SRGAP1: variants seen among roughly 807,000 people sequenced by gnomAD.
The protein encoded by SRGAP1 is SLIT-ROBO Rho GTPase activating protein 1, also known as SLIT-ROBO Rho GTPase-activating protein 1.
SRGAP1 carries 43 observed loss-of-function variants against 121.9 expected under a neutral mutation model. The observed-to-expected ratio is 0.35, with a 90% confidence interval of 0.28 to 0.46. The LOEUF (loss-of-function observed/expected upper bound fraction) is 0.46. SRGAP1 is among the 20% of genes least tolerant of loss of function. The pLI is 1.00. For missense variants in SRGAP1, 1,102 were observed against 1,350.9 expected, an observed-to-expected ratio of 0.82 and a Z score of 2.89; for synonymous variants, 447 against 485.4, an observed-to-expected ratio of 0.92 and a Z score of 1.04.
chr12:64,100,117 C>G (rs1351954579), intron 15 of SRGAP1, among the ~76,000 whole-genome samples: 1 of 152,166 alleles, frequency 6.6e-6, no homozygotes, highest in Non-Finnish European at 1.5e-5. Flanking sequence ...CATAGTAACC[C>G]TCAGTAAGTG....
chr12:63,845,613 G>A (rs1175354021), intron 1 of SRGAP1, among the ~76,000 whole-genome samples: 2 of 147,542 alleles, frequency 1.4e-5, no homozygotes, highest in African/African-American at 2.6e-5. Context: ...AACTAATGAA[G>A]GAAACCTAAT....
chr12:63,856,283 AATAAATAAATAAAAAG>A (rs1445251946), intron 1 of SRGAP1, among the ~76,000 whole-genome samples: 1 of 130,340 alleles, frequency 7.7e-6, no homozygotes, highest in African/African-American at 3.4e-5. Context: ...TAAATAAATA[AATAAATAAATAAAAAG>A]ATCCTCTTAA....
chr12:63,901,206 T>C (rs1036252104), intron 1 of SRGAP1, among the ~76,000 whole-genome samples: 4 of 152,222 alleles, frequency 2.6e-5, no homozygotes, highest in African/African-American at 9.6e-5. Context: ...GTATTCCTAA[T>C]ATGGTTTGTT....
intron 1 of SRGAP1, among the ~76,000 whole-genome samples, chr12:63,913,496 CACATATATGTGTATATATATAT>C (rs2030632660): frequency 1.7e-5 from 2 of 114,794 alleles, no homozygotes; most frequent in Non-Finnish European, 3.8e-5. Context: ...TATATAAATA[CACATATATGTGTATATATATAT>C]ACATATATGT....
chr12:63,931,313 T>C (rs1433872836), intron 1 of SRGAP1, among the ~76,000 whole-genome samples: 4 of 152,220 alleles, frequency 2.6e-5, no homozygotes, highest in Admixed American at 6.5e-5. Flanking sequence ...TATCTCTAAA[T>C]GGATTAAAAT....
In SRGAP1 at chr12:64,091,185, T is replaced by C. The variant is rs1345688384; in HGVS notation, c.1437-91T>C. 12 of 811,288 alleles carry C rather than the reference T, an allele frequency of 1.5e-5. No individual in the cohort carries two copies. The Admixed American group carries it at 3.9e-4, about 26-fold the overall frequency. The allele number at this position is 811,288 out of a possible 1,614,324, so 50.3% of individuals were successfully genotyped here. A position where few individuals can be genotyped will look rare whatever the true frequency, so the allele number is the denominator to read the frequency against. On this transcript the variant is annotated intron_variant, in intron 11 of 21. Transcript: ENST00000355086. ...TGGGGGAGGGGAAGGAACCCAAGATTCCCGTGTTTTGTAATATTGATGTGA... is the reference window on the plus strand; with the variant it reads ...TGGGGGAGGGGAAGGAACCCAAGATCCCCGTGTTTTGTAATATTGATGTGA...
chr12:64,067,238 C>G (rs1237065280), intron 8 of SRGAP1, among the ~76,000 whole-genome samples: 8 of 152,044 alleles, frequency 5.3e-5, no homozygotes, highest in Admixed American at 5.2e-4. Context: ...AGCACAGTGT[C>G]CTTATAAACT....
intron 1 of SRGAP1, among the ~76,000 whole-genome samples, chr12:63,902,569 C>T (rs1039722413): frequency 2.0e-5 from 3 of 152,086 alleles, no homozygotes; most frequent in Non-Finnish European, 4.4e-5. Flanking sequence ...AAAAGTCTTC[C>T]CTAAAATGAT....
At chr12:63,929,951 C>T (rs2031408402) in intron 1 of SRGAP1, among the ~76,000 whole-genome samples, 1 of 152,044 alleles carries the variant, frequency 6.6e-6, no homozygotes, top group South Asian at 2.1e-4. Context: ...AAAAGCTCAA[C>T]ATCACTGATC....
At chr12:64,035,196 A>G (rs969454463) in intron 4 of SRGAP1, among the ~76,000 whole-genome samples, 2 of 152,198 alleles carry the variant, frequency 1.3e-5, no homozygotes, top group Admixed American at 6.5e-5. Context: ...TATATCCTTT[A>G]TATAAATGAA....
intron 6 of SRGAP1, among the ~76,000 whole-genome samples, chr12:64,056,953 C>A (rs943812395): frequency 1.1e-4 from 16 of 152,146 alleles, no homozygotes; most frequent in Non-Finnish European, 2.2e-4. Flanking sequence ...ATAGCATTTA[C>A]CATCTGGCCT....
At position 64,080,266 on chromosome 12, in the gene SRGAP1, A is replaced by ATT; in HGVS notation, c.1324-19_1324-18dup. On this transcript the variant is annotated intron_variant, in intron 9 of 21. Transcript: ENST00000355086. Reference sequence around the variant, plus strand: ...CTCAAAAAAAAAAAAAGATTTAAAAATTATTCTTGCCTTTTGCAGAAACTC... The same window carrying ATT: ...CTCAAAAAAAAAAAAAGATTTAAAAATTTTATTCTTGCCTTTTGCAGAAACTC... The ATT allele has an allele frequency of 6.3e-7, 1 of 1,583,490 alleles. No homozygotes were observed. The highest frequency in any genetic ancestry group is 8.6e-7 in the Non-Finnish European group (1 of 1,167,854).
At chr12:64,046,966 C>T (rs2035143269) in intron 6 of SRGAP1, among the ~76,000 whole-genome samples, 1 of 151,938 alleles carries the variant, frequency 6.6e-6, no homozygotes, top group Non-Finnish European at 1.5e-5. Context: ...AGATAACTTG[C>T]CTAAGGTTAT....
intron 1 of SRGAP1, among the ~76,000 whole-genome samples, chr12:63,926,982 C>T (rs988234174): frequency 6.6e-6 from 1 of 152,082 alleles, no homozygotes; most frequent in Admixed American, 6.6e-5. Context: ...AAACCTCTGA[C>T]TTAGAACTTC....
rs551936979 is a variant in SRGAP1, at chr12:64,091,260, T to C, written c.1437-16T>C. ...TGATTTCTGCCATGCTCAGTAATTA[T>C]ATTCCCTTCCCTTAGGCCTCCAAAT... On this transcript the variant is annotated splice_polypyrimidine_tract_variant and intron_variant, in intron 11 of 21. Coordinates refer to ENST00000355086, the MANE Select transcript of SRGAP1 (RefSeq NM_020762.4). The C allele has an allele frequency of 7.6e-5, 117 of 1,543,864 alleles. 1 individual carries two copies. The highest frequency in any genetic ancestry group is 1.0e-4 in the Non-Finnish European group (113 of 1,132,474).
intron 21 of SRGAP1, among the ~76,000 whole-genome samples, chr12:64,130,146 C>G (rs962632548): frequency 2.0e-5 from 3 of 152,180 alleles, no homozygotes; most frequent in African/African-American, 7.2e-5. Context: ...TAATGGATCT[C>G]CTGTATTCCA....
intron 19 of SRGAP1, among the ~76,000 whole-genome samples, chr12:64,127,209 C>T (rs1376779944): frequency 5.3e-5 from 8 of 152,136 alleles, no homozygotes; most frequent in Non-Finnish European, 8.8e-5. Context: ...AACGTATCCT[C>T]GCCGTTAAGC....
intron 4 of SRGAP1, among the ~76,000 whole-genome samples, chr12:64,021,864 G>C (rs1213048207): frequency 6.6e-6 from 1 of 152,118 alleles, no homozygotes; most frequent in East Asian, 1.9e-4. Context: ...AAAGTGAAAG[G>C]GTGAACCAGG....
chr12:63,912,414 C>G (rs1196352594), intron 1 of SRGAP1, among the ~76,000 whole-genome samples: 1 of 152,060 alleles, frequency 6.6e-6, no homozygotes, highest in African/African-American at 2.4e-5. Context: ...TCCAGATAAG[C>G]CTGGGCAGCA....
Sources: gnomAD v4.1 joint callset for allele counts (sites outside exome capture counted in the v4.1 genomes callset) on GRCh38, gnomAD v4.1.1 for gene constraint, MANE v1.5 for transcripts, NCBI Gene and HGNC (gene_info 2026-07-23, HGNC 2026-07-21) for gene names.